Variants in SGCD observed in about 807,000 individuals in gnomAD.
SGCD encodes delta-sarcoglycan.
SGCD carries 18 observed loss-of-function variants against 36.6 expected under a neutral mutation model. The ratio of observed to expected loss-of-function variants is 0.49; its 90% CI spans 0.34 to 0.73. SGCD has a LOEUF of 0.73. Ranked by LOEUF, SGCD falls within the 30% of genes least tolerant of loss-of-function variation. SGCD has a pLI of 0.01. For missense variants in SGCD, 387 were observed against 346.7 expected (o/e 1.12, Z -0.92); for synonymous variants, 133 against 130.6 (o/e 1.02, Z -0.12).
At chr5:155,965,351 C>G (rs376717547) in intron 1 of SGCD, among the ~76,000 whole-genome samples, 1 of 152,114 alleles carries the variant, frequency 6.6e-6, no homozygotes, top group Non-Finnish European at 1.5e-5. Flanking sequence ...GATCTGTTAT[C>G]CTGGTCCTCT....
intron 1 of SGCD, among the ~76,000 whole-genome samples, chr5:156,018,693 A>G (rs1759036681): frequency 6.6e-6 from 1 of 152,222 alleles, no homozygotes; most frequent in African/African-American, 2.4e-5. Context: ...GTTATCAGAA[A>G]CAAACACCTC....
chr5:156,355,799 G>C (rs1769464796), intron 3 of SGCD, among the ~76,000 whole-genome samples: 6 of 152,182 alleles, frequency 3.9e-5, no homozygotes, highest in Admixed American at 3.9e-4. Flanking sequence ...ACCACGCCTG[G>C]CTAATTTTTG....
the SGCD span, among the ~76,000 whole-genome samples, chr5:155,757,626 T>C: frequency 1.3e-5 from 2 of 152,144 alleles, no homozygotes; most frequent in Admixed American, 1.3e-4. Context: ...CTTATTGTGG[T>C]TGAGGCTAAG....
chr5:156,711,324 T>G (rs1038867922), intron 7 of SGCD, among the ~76,000 whole-genome samples: 1 of 152,198 alleles, frequency 6.6e-6, no homozygotes, highest in African/African-American at 2.4e-5. Context: ...TAGTAAACAT[T>G]GTGTGTCCAC....
At chr5:156,737,207 C>T (rs1368308215) in intron 7 of SGCD, among the ~76,000 whole-genome samples, 1 of 152,186 alleles carries the variant, frequency 6.6e-6, no homozygotes, top group Non-Finnish European at 1.5e-5. Context: ...TCCCAGAGCC[C>T]TAAAACTCAG....
chr5:156,156,139 G>A (rs1331528087), intron 3 of SGCD, among the ~76,000 whole-genome samples: 1 of 151,544 alleles, frequency 6.6e-6, no homozygotes, highest in Non-Finnish European at 1.5e-5. Flanking sequence ...TCTCAGAACG[G>A]CAGATTATAG....
intron 7 of SGCD, among the ~76,000 whole-genome samples, chr5:156,706,630 G>A (rs1754754868): frequency 6.6e-6 from 1 of 152,024 alleles, no homozygotes; most frequent in Non-Finnish European, 1.5e-5. Flanking sequence ...CCTTTCCTGG[G>A]AAGAGGGTAG....
At chr5:156,425,475 G>T (rs150542411) in intron 3 of SGCD, among the ~76,000 whole-genome samples, 174 of 152,178 alleles carry the variant, frequency 1.1e-3, no homozygotes, top group African/African-American at 3.8e-3. Flanking sequence ...AAAACTTTAA[G>T]TTAATACATT....
rs115326000 is a variant in SGCD at position 155,904,620 on chromosome 5, G to A, written c.-282+34196G>A. Among the ~76,000 whole-genome samples the A allele has an allele frequency of 4.4e-3, 670 of 152,176 alleles. 5 individuals are homozygous for A. The highest frequency in any genetic ancestry group is 9.8e-3 in the African/African-American group (407 of 41,532). On this transcript the variant is annotated intron_variant, in intron 1 of 9. Coordinates refer to the SGCD transcript ENST00000517913. Reference sequence around the variant, plus strand: ...AGGGATTTTCTAGACAATTCTTTTCGTGTAAAATATTGTGCTTATGATCTG... The same window carrying A: ...AGGGATTTTCTAGACAATTCTTTTCATGTAAAATATTGTGCTTATGATCTG...
chr5:155,763,390 G>A, the SGCD span, among the ~76,000 whole-genome samples: 25 of 152,080 alleles, frequency 1.6e-4, no homozygotes, highest in Non-Finnish European at 3.1e-4. Context: ...AACAGTAATG[G>A]AAAGTAATGA....
the SGCD span, among the ~76,000 whole-genome samples, chr5:155,808,583 A>C: frequency 6.6e-6 from 1 of 152,232 alleles, no homozygotes; most frequent in African/African-American, 2.4e-5. Flanking sequence ...AAACTATTGC[A>C]TCTGAGAAAT....
intron 1 of SGCD, among the ~76,000 whole-genome samples, chr5:155,912,576 A>AT (rs372752280): frequency 3.5e-4 from 53 of 152,118 alleles, no homozygotes; most frequent in African/African-American, 1.3e-3. Flanking sequence ...TAATTCATAT[A>AT]TTTTTTGTGT....
At chr5:156,119,373 T>C (rs1223064683) in intron 2 of SGCD, among the ~76,000 whole-genome samples, 2 of 152,150 alleles carry the variant, frequency 1.3e-5, no homozygotes, top group Non-Finnish European at 2.9e-5. Context: ...CCTAGTTATG[T>C]GATTTCAATC....
At chr5:156,545,221 C>T (rs966903907) in intron 4 of SGCD, among the ~76,000 whole-genome samples, 1 of 152,044 alleles carries the variant, frequency 6.6e-6, no homozygotes, top group African/African-American at 2.4e-5. Flanking sequence ...TTATACCACC[C>T]CACAACCAAA....
At chr5:156,313,080 C>G (rs1321308603) in intron 3 of SGCD, among the ~76,000 whole-genome samples, 1 of 152,012 alleles carries the variant, frequency 6.6e-6, no homozygotes, top group East Asian at 1.9e-4. Context: ...AGCTTTGTCC[C>G]TCATGGCTTA....
At chr5:156,070,285 A>G (rs1439303413) in intron 1 of SGCD, among the ~76,000 whole-genome samples, 3 of 152,050 alleles carry the variant, frequency 2.0e-5, no homozygotes, top group African/African-American at 7.3e-5. Flanking sequence ...GATAGCTCTC[A>G]TTATTTTGAG....
chr5:156,105,436 A>G (rs567826849), intron 1 of SGCD, among the ~76,000 whole-genome samples: 1 of 152,330 alleles, frequency 6.6e-6, no homozygotes, highest in South Asian at 2.1e-4. Flanking sequence ...GCAAGTAAAT[A>G]ATTAATGTTA....
the SGCD span, among the ~76,000 whole-genome samples, chr5:155,864,678 C>T: frequency 6.6e-6 from 1 of 152,152 alleles, no homozygotes; most frequent in Non-Finnish European, 1.5e-5. Flanking sequence ...AAATACCCAG[C>T]TAAATGGTGG....
rs1760150933 is a variant in SGCD at position 156,059,548 on chromosome 5, T to C, written c.-281-58330T>C. 4.1e-5 allele frequency among the ~76,000 whole-genome samples: 6 copies of C among 146,498 alleles called. No individual in the cohort carries two copies. In the South Asian group the frequency reaches 1.3e-3, roughly 32 times the overall value. On this transcript the variant is annotated intron_variant, in intron 1 of 9. Transcript: ENST00000517913. ...CCTAGTGTGCATTGGCAGGGGACCCTATGACCAGTGCAAGGTAAGATAGTG... is the reference window on the plus strand; with the variant it reads ...CCTAGTGTGCATTGGCAGGGGACCCCATGACCAGTGCAAGGTAAGATAGTG...
Sources: gnomAD v4.1 joint callset for allele counts (sites outside exome capture counted in the v4.1 genomes callset) on GRCh38, gnomAD v4.1.1 for gene constraint, MANE v1.5 for transcripts, NCBI Gene and HGNC (gene_info 2026-07-23, HGNC 2026-07-21) for gene names.